The following KIF13B variants were observed in gnomAD, a reference collection of about 807,000 sequenced individuals.
The protein encoded by KIF13B is kinesin-like protein KIF13B.
A neutral mutation model predicts 222.0 loss-of-function variants in KIF13B; 127 were observed. That is an observed-to-expected ratio of 0.57 (90% CI 0.50 to 0.66). The LOEUF (loss-of-function observed/expected upper bound fraction) is 0.66, where lower values mean the gene tolerates loss of function less well. KIF13B is among the 30% of genes least tolerant of loss of function. The pLI is 0.00. For synonymous variants in KIF13B, 976 were observed against 919.0 expected, an observed-to-expected ratio of 1.06 and a Z score of -1.12; for missense variants, 2,173 against 2,379.0, an observed-to-expected ratio of 0.91 and a Z score of 1.80.
intron 37 of KIF13B, among the ~76,000 whole-genome samples, chr8:29,078,853 C>T (rs940039181): frequency 8.5e-5 from 13 of 152,198 alleles, no homozygotes; most frequent in Admixed American, 7.2e-4. Context: ...ACCCTGTCTA[C>T]TGAGCGTTGC....
chr8:29,177,361 C>T, intron 9 of KIF13B, 105 bp downstream of exon 9: 3 of 824,684 alleles, frequency 3.6e-6, no homozygotes, highest in South Asian at 1.5e-5. Context: ...ATTGAAAATA[C>T]CAGAAAAAAA....
chr8:29,169,649 A>C (rs918804008), intron 10 of KIF13B, among the ~76,000 whole-genome samples: 3 of 152,248 alleles, frequency 2.0e-5, no homozygotes, highest in African/African-American at 7.2e-5. Flanking sequence ...ACTATAACTA[A>C]TTTGGACTTT....
chr8:29,174,804 T>A (rs1360657570), intron 10 of KIF13B, among the ~76,000 whole-genome samples: 1 of 152,224 alleles, frequency 6.6e-6, no homozygotes, highest in Non-Finnish European at 1.5e-5. Context: ...ACGTAAAGAA[T>A]GTTTTATTTT....
intron 32 of KIF13B, among the ~76,000 whole-genome samples, chr8:29,111,701 G>A (rs954332575): frequency 6.6e-6 from 1 of 152,104 alleles, no homozygotes; most frequent in African/African-American, 2.4e-5. Context: ...GAAAAGGGAG[G>A]GGAAATGGAG....
intron 35 of KIF13B, among the ~76,000 whole-genome samples, chr8:29,102,479 G>A (rs572886625): frequency 1.3e-5 from 2 of 152,294 alleles, no homozygotes; most frequent in Non-Finnish European, 2.9e-5. Flanking sequence ...TGAAGTCACT[G>A]GTAGGCAGCA....
chr8:29,256,169 G>A lies in KIF13B; in HGVS notation c.55+6811C>T, dbSNP rs116743691. Among the ~76,000 whole-genome samples the A allele has an allele frequency of 9.5e-3, 1,439 of 152,242 alleles. 33 individuals carry two copies. The highest frequency in any genetic ancestry group is 0.033 in the African/African-American group (1,391 of 41,546). On this transcript the variant is annotated intron_variant, in intron 1 of 39. Coordinates refer to ENST00000524189, the MANE Select transcript of KIF13B (RefSeq NM_015254.4). ...GGGTACACAGCACATAAGCACTGACGACACACTGTTGACTGAGACTAGAAC... is the reference window on the plus strand; with the variant it reads ...GGGTACACAGCACATAAGCACTGACAACACACTGTTGACTGAGACTAGAAC...
chr8:29,176,215 T>C, intron 9 of KIF13B, 36 bp from the exon 10 acceptor site: 2 of 1,229,498 alleles, frequency 1.6e-6, no homozygotes, highest in Non-Finnish European at 2.4e-6. Context: ...ATTACAAAAA[T>C]GAAATATATC....
At chr8:29,144,695 G>A (rs964538140) in intron 18 of KIF13B, among the ~76,000 whole-genome samples, 4 of 152,108 alleles carry the variant, frequency 2.6e-5, no homozygotes. Flanking sequence ...TAATAGCAAC[G>A]GGCAATATGG....
chr8:29,082,325 T>C (rs964752058), intron 37 of KIF13B, among the ~76,000 whole-genome samples: 2 of 152,254 alleles, frequency 1.3e-5, no homozygotes, highest in African/African-American at 4.8e-5. Flanking sequence ...ATAGTCTAAC[T>C]TATTCTAAGT....
Position 29,148,416 on chromosome 8 carries a change from A to G in KIF13B, c.1813+161T>C, listed in dbSNP as rs566857895. The stretch of plus-strand genomic sequence containing the variant: ...CACTCTACCGTTTTTTTTTTTTTAA[A>G]GAGAGAACGTCTTGCTATGTTGCCC... On this transcript the variant is annotated intron_variant, in intron 16 of 39. Coordinates refer to ENST00000524189, the MANE Select transcript of KIF13B (RefSeq NM_015254.4). Among the ~76,000 whole-genome samples, 122 of 151,456 alleles carry G rather than the reference A, an allele frequency of 8.1e-4. 1 individual carries two copies. Among genetic ancestry groups the G allele is most frequent in the Middle Eastern group, 3.4e-3 (1 of 294 alleles).
intron 1 of KIF13B, among the ~76,000 whole-genome samples, chr8:29,257,594 T>C (rs1213123097): frequency 1.3e-5 from 2 of 152,096 alleles, no homozygotes; most frequent in African/African-American, 2.4e-5. Flanking sequence ...GTATATTTCT[T>C]GAAAAGAGGT....
At chr8:29,140,799 C>T in intron 19 of KIF13B, 182 bp from the exon 20 acceptor site, 1 of 535,728 alleles carries the variant, frequency 1.9e-6, no homozygotes, top group Non-Finnish European at 3.3e-6. Flanking sequence ...TACTCCCATA[C>T]ACACTCTTCC....
chr8:29,194,374 A>T (rs1326538683), intron 3 of KIF13B, among the ~76,000 whole-genome samples: 1 of 150,292 alleles, frequency 6.7e-6, no homozygotes, highest in African/African-American at 2.5e-5. Flanking sequence ...TCGAGAGGCT[A>T]TTCCCAAAGT....
chr8:29,249,150 G>A (rs139453793), intron 1 of KIF13B, among the ~76,000 whole-genome samples: 200 of 152,148 alleles, frequency 1.3e-3, no homozygotes, highest in Non-Finnish European at 2.2e-3. Context: ...AAGCTCTGCC[G>A]GGCACAGTGG....
At chr8:29,166,951 T>G (rs1051872109) in intron 11 of KIF13B, among the ~76,000 whole-genome samples, 2 of 152,230 alleles carry the variant, frequency 1.3e-5, no homozygotes, top group Non-Finnish European at 2.9e-5. Flanking sequence ...ATTATGAAGG[T>G]GTAGAAGACT....
At position 29,069,689 on chromosome 8, in the gene KIF13B, C is replaced by G. The variant is rs927992005; in HGVS notation, c.*815G>C. The G allele has an allele frequency of 1.3e-5, 2 of 151,286 alleles. No homozygotes were observed. Among genetic ancestry groups the G allele is most frequent in the East Asian group, 1.9e-4 (1 of 5,192 alleles). The allele number at this position is 151,286 out of a possible 1,614,324, so 9.4% of individuals were successfully genotyped here. Reference sequence around the variant, plus strand: ...GCAACGTGCAAGGCAGGCCCTGGGCCCCCCCACACAGGCAGACGACGATTG... The same window carrying G: ...GCAACGTGCAAGGCAGGCCCTGGGCGCCCCCACACAGGCAGACGACGATTG... On this transcript the variant is annotated 3_prime_UTR_variant, in exon 40 of 40. Coordinates refer to ENST00000524189, the MANE Select transcript of KIF13B (RefSeq NM_015254.4).
chr8:29,122,519 G>T, intron 29 of KIF13B, 72 bp downstream of exon 29: 3 of 1,233,140 alleles, frequency 2.4e-6, no homozygotes, highest in South Asian at 1.3e-5. Context: ...CGATGCACTT[G>T]GTTGGAATCT....
chr8:29,092,032 G>A (rs570633793), intron 37 of KIF13B, among the ~76,000 whole-genome samples: 88 of 152,302 alleles, frequency 5.8e-4, no homozygotes, highest in African/African-American at 2.0e-3. Flanking sequence ...TTAGAAGAAC[G>A]TGAAGAAGCT....
chr8:29,070,911 T>TG lies in KIF13B; in HGVS notation c.5219-146dup. 1 of 918,810 alleles carries TG rather than the reference T, an allele frequency of 1.1e-6. No individual in the cohort carries two copies. The allele number at this position is 918,810 out of a possible 1,614,324, so 56.9% of individuals were successfully genotyped here. On this transcript the variant is annotated intron_variant, in intron 39 of 39. Transcript: ENST00000524189. The surrounding 1 kb of genome is among the most constrained non-coding windows in gnomAD (Gnocchi z 4.1). ...CAGCCAGCACTCGGACACTGGCCATTGTCTGGCAGGGACTGGCTAAATGAA... is the reference window on the plus strand; with the variant it reads ...CAGCCAGCACTCGGACACTGGCCATTGGTCTGGCAGGGACTGGCTAAATGAA...
Sources: gnomAD v4.1 joint callset for allele counts (sites outside exome capture counted in the v4.1 genomes callset) on GRCh38, gnomAD v4.1.1 for gene constraint, Gnocchi (gnomAD v3.1) non-coding constraint, MANE v1.5 for transcripts, NCBI Gene and HGNC (gene_info 2026-07-23, HGNC 2026-07-21) for gene names.